The following ROCK2 variants were observed in gnomAD, a reference collection of about 807,000 sequenced individuals.
The protein encoded by ROCK2 is rho-associated protein kinase 2.
A neutral mutation model predicts 195.1 loss-of-function variants in ROCK2; 61 were observed. The ratio of observed to expected loss-of-function variants is 0.31; its 90% CI spans 0.25 to 0.39. The LOEUF (loss-of-function observed/expected upper bound fraction) is 0.39. Ranked by LOEUF, ROCK2 falls within the 10% of genes least tolerant of loss-of-function variation. ROCK2 has a pLI of 1.00. For missense variants in ROCK2, 1,109 were observed against 1,637.4 expected (o/e 0.68, Z 5.57); for synonymous variants, 504 against 545.5 (o/e 0.92, Z 1.06).
At chr2:11,247,450 T>TA (rs1665654695) in intron 4 of ROCK2, among the ~76,000 whole-genome samples, 1 of 152,218 alleles carries the variant, frequency 6.6e-6, no homozygotes, top group Admixed American at 6.5e-5. Flanking sequence ...GATAAGCATA[T>TA]AAAGGCCACA....
At chr2:11,330,772 AGGGAGGG>A (rs1668704242) in intron 1 of ROCK2, among the ~76,000 whole-genome samples, 1 of 52,104 alleles carries the variant, frequency 1.9e-5, no homozygotes, top group African/African-American at 7.3e-5. Flanking sequence ...GAGGAGGAGG[AGGGAGGG>A]AAGAGGAGGA....
chr2:11,195,961 T>G (rs1350482770), intron 27 of ROCK2, among the ~76,000 whole-genome samples: 6 of 152,212 alleles, frequency 3.9e-5, no homozygotes, highest in Admixed American at 1.3e-4. Flanking sequence ...TGACATTTGA[T>G]CAATGTCTTT....
rs1442899570 is a variant in ROCK2 at position 11,180,298 on chromosome 2, G to C, written c.*3139C>G. 6.6e-6 allele frequency: 1 copy of C among 152,152 alleles called. No individual in the cohort carries two copies. Among genetic ancestry groups the C allele is most frequent in the African/African-American group, 2.4e-5 (1 of 41,448 alleles). 9.4% of individuals were successfully genotyped at this position (152,152 alleles called of 1,614,324 possible). On this transcript the variant is annotated 3_prime_UTR_variant, in exon 33 of 33. Transcript: ENST00000315872. ...CTTAAAACTGTGGTGTGGCAACCTA[G>C]AGTATTTCTGTTTAAGATCTATATA...
At chr2:11,191,113 G>T (rs1334580596) in intron 32 of ROCK2, among the ~76,000 whole-genome samples, 1 of 152,138 alleles carries the variant, frequency 6.6e-6, no homozygotes, top group Non-Finnish European at 1.5e-5. Flanking sequence ...ATATACTGAA[G>T]GTCCTGTGTT....
chr2:11,284,475 T>C (rs1667118160), intron 3 of ROCK2, among the ~76,000 whole-genome samples: 1 of 152,164 alleles, frequency 6.6e-6, no homozygotes, highest in Non-Finnish European at 1.5e-5. Flanking sequence ...AATGGAAGTG[T>C]CTATGCACAC....
intron 1 of ROCK2, among the ~76,000 whole-genome samples, chr2:11,300,990 TTA>T (rs1667684811): frequency 6.6e-6 from 1 of 152,206 alleles, no homozygotes; most frequent in Admixed American, 6.5e-5. Context: ...GAAAAAAAAC[TTA>T]TGATAGTTCT....
At chr2:11,297,526 GC>G (rs1319187328) in intron 1 of ROCK2, among the ~76,000 whole-genome samples, 1 of 151,690 alleles carries the variant, frequency 6.6e-6, no homozygotes, top group Non-Finnish European at 1.5e-5. Context: ...TTCACTATTC[GC>G]CGCCTCCTAT....
chr2:11,267,701 CTTTT>C (rs34065184), intron 3 of ROCK2, among the ~76,000 whole-genome samples: 6 of 130,388 alleles, frequency 4.6e-5, no homozygotes, highest in Non-Finnish European at 8.1e-5. Flanking sequence ...ATCAATACGC[CTTTT>C]TTTTTTTTTT....
chr2:11,251,959 G>A (rs1248282612), intron 3 of ROCK2, among the ~76,000 whole-genome samples: 1 of 152,196 alleles, frequency 6.6e-6, no homozygotes, highest in Non-Finnish European at 1.5e-5. Context: ...AAACCAGAAT[G>A]AGATACCACC....
At chr2:11,290,312 C>T (rs1208189135) in intron 1 of ROCK2, among the ~76,000 whole-genome samples, 2 of 151,948 alleles carry the variant, frequency 1.3e-5, no homozygotes, top group East Asian at 3.9e-4. Context: ...CTTTAAGTGA[C>T]CCTAAACCAG....
At chr2:11,244,183 T>A (rs1273352631) in intron 4 of ROCK2, among the ~76,000 whole-genome samples, 11 of 152,220 alleles carry the variant, frequency 7.2e-5, no homozygotes, top group Admixed American at 7.2e-4. Flanking sequence ...ATTGTATTTA[T>A]TATCTCTTGA....
At chr2:11,279,372 A>C (rs1461955471) in intron 3 of ROCK2, among the ~76,000 whole-genome samples, 1 of 152,244 alleles carries the variant, frequency 6.6e-6, no homozygotes, top group Non-Finnish European at 1.5e-5. Flanking sequence ...AGAAAGCAGA[A>C]GTAGCTATAT....
intron 1 of ROCK2, among the ~76,000 whole-genome samples, chr2:11,338,420 A>G (rs1572428493): frequency 6.6e-6 from 1 of 152,236 alleles, no homozygotes; most frequent in East Asian, 1.9e-4. Flanking sequence ...ACCATGGATC[A>G]AAAATAATTT....
chr2:11,292,342 T>C (rs928293500), intron 1 of ROCK2, among the ~76,000 whole-genome samples: 1 of 152,166 alleles, frequency 6.6e-6, no homozygotes, highest in East Asian at 1.9e-4. Context: ...CAAAGCACTA[T>C]ACATGCATTT....
At chr2:11,196,918 G>A (rs1035846900) in intron 27 of ROCK2, among the ~76,000 whole-genome samples, 2 of 151,978 alleles carry the variant, frequency 1.3e-5, no homozygotes, top group South Asian at 2.1e-4. Context: ...AAAATGAAAC[G>A]AAAGCTTAAA....
At chr2:11,318,023 T>C (rs1022775693) in intron 1 of ROCK2, among the ~76,000 whole-genome samples, 2 of 152,210 alleles carry the variant, frequency 1.3e-5, no homozygotes, top group African/African-American at 4.8e-5. Context: ...TGTTGGACAT[T>C]TGGGTTGGTT....
chr2:11,284,315 C>T (rs566309786), intron 3 of ROCK2, among the ~76,000 whole-genome samples: 16 of 152,230 alleles, frequency 1.1e-4, no homozygotes, highest in African/African-American at 3.1e-4. Flanking sequence ...AATAGTATAA[C>T]GATGGGCATA....
intron 7 of ROCK2, 64 bp downstream of exon 7, chr2:11,224,258 A>T: frequency 7.0e-7 from 1 of 1,425,722 alleles, no homozygotes; most frequent in Non-Finnish European, 9.6e-7. Context: ...TAAGCTAGGC[A>T]TGCTTTTATT....
In ROCK2 at chr2:11,264,463, T is replaced by C. The variant is rs144406101; in HGVS notation, c.325-14665A>G. Among the ~76,000 whole-genome samples the C allele has an allele frequency of 1.1e-4, 17 of 152,320 alleles. No homozygotes were observed. The East Asian group carries it at 3.3e-3, about 29-fold the overall frequency. On this transcript the variant is annotated intron_variant, in intron 3 of 32. Coordinates refer to ENST00000315872, the MANE Select transcript of ROCK2 (RefSeq NM_004850.5). ...CAACTAGGTTGATGCAAGAGCCATT[T>C]ACTACGATCAGAAAGAGAAGGAACA...
Sources: allele counts gnomAD v4.1 joint callset (sites outside exome capture counted in the v4.1 genomes callset), GRCh38; gene constraint gnomAD v4.1.1; transcripts MANE v1.5; gene names NCBI Gene and HGNC (gene_info 2026-07-23, HGNC 2026-07-21).